The following THADA variants were observed in gnomAD, a reference collection of about 807,000 sequenced individuals.
The protein encoded by THADA is tRNA (32-2'-O)-methyltransferase regulator THADA.
THADA carries 213 observed loss-of-function variants against 219.8 expected under a neutral mutation model. The observed-to-expected ratio is 0.97, with a 90% CI of 0.87 to 1.09. The LOEUF is 1.09. THADA is among the 50% of genes least tolerant of loss of function. The pLI, the probability that THADA is intolerant of heterozygous loss-of-function variation, is 0.00. For synonymous variants in THADA, 1,018 were observed against 828.9 expected (o/e 1.23, Z -3.92); for missense variants, 2,956 against 2,311.3 (o/e 1.28, Z -5.72).
chr2:43,278,760 C>T (rs1673009767), intron 36 of THADA, among the ~76,000 whole-genome samples: 1 of 152,204 alleles, frequency 6.6e-6, no homozygotes, highest in African/African-American at 2.4e-5. Context: ...TCTGGGGAGG[C>T]TTCCAGGGAA....
In THADA at chr2:43,577,092, C is replaced by A; in HGVS notation, c.967G>T (p.Gly323Ter). 6.2e-7 allele frequency: 1 copy of A among 1,613,350 alleles called. No homozygotes were observed. Among genetic ancestry groups the A allele is most frequent in the Non-Finnish European group, 8.5e-7 (1 of 1,179,690 alleles). Residue 323 changes from glycine (G) to a stop codon, truncating the protein, a stop_gained, in exon 10 of 38, where the codon GGA becomes TGA. Coordinates refer to ENST00000405975, the MANE Select transcript of THADA (RefSeq NM_022065.5). LOFTEE classifies it high-confidence loss of function. ...GCCTCCCCACTCCGACCCATGCTTCCGTTCTGCCAGTCCAACATGGCAAGT... is the reference window on the plus strand; with the variant it reads ...GCCTCCCCACTCCGACCCATGCTTCAGTTCTGCCAGTCCAACATGGCAAGT... ...GTLAMLDWQN[G>*]SMGRSGEALL... is the part of the protein sequence containing the mutation.
intron 36 of THADA, among the ~76,000 whole-genome samples, chr2:43,236,410 T>C (rs540394671): frequency 1.3e-5 from 2 of 152,280 alleles, no homozygotes; most frequent in East Asian, 3.9e-4. Flanking sequence ...CAGAACTGCC[T>C]AGATCTCTAC....
intron 21 of THADA, among the ~76,000 whole-genome samples, chr2:43,529,705 C>A (rs974882186): frequency 6.6e-6 from 1 of 152,192 alleles, no homozygotes; most frequent in Non-Finnish European, 1.5e-5. Flanking sequence ...GTCTCCCCAA[C>A]AGATCACAGG....
Position 43,293,205 on chromosome 2 carries a change from T to G in THADA, c.4447A>C (p.Ser1483Arg). The G allele has an allele frequency of 6.2e-7, 1 of 1,601,292 alleles. No individual in the cohort carries two copies. The highest frequency in any genetic ancestry group is 8.5e-7 in the Non-Finnish European group (1 of 1,171,870). The change falls in exon 32 of 38, where the codon AGT becomes CGT. Residue 1483 changes from serine (S) to arginine (R), a missense_variant. By Grantham distance (110) the Ser-to-Arg change is moderately radical (BLOSUM62 -1). Transcript: ENST00000405975. ...CTGACTTCCTCCCAGAAGCCAAGAC[T>G]CTCCAGAACTAAGAAGCAAAAAAAG... ...SAKDNQPVLE[S>R]LGFWEEVRGI...
chr2:43,592,133 T>C, intron 2 of THADA, 87 bp from the exon 3 acceptor site: 1 of 1,158,808 alleles, frequency 8.6e-7, no homozygotes, highest in Non-Finnish European at 1.2e-6. Context: ...AATTTTTTAA[T>C]TATAAACCAT....
chr2:43,379,420 C>A (rs1402933873), intron 29 of THADA, among the ~76,000 whole-genome samples: 2 of 152,088 alleles, frequency 1.3e-5, no homozygotes, highest in Non-Finnish European at 2.9e-5. Context: ...TCAATGACAT[C>A]AGGAATCATA....
chr2:43,540,721 G>C (rs1695184728), intron 21 of THADA, among the ~76,000 whole-genome samples: 1 of 152,102 alleles, frequency 6.6e-6, no homozygotes. Context: ...ACAAAAGTCA[G>C]CCAAAAAAAC....
At chr2:43,303,189 A>T (rs1209876006) in intron 31 of THADA, among the ~76,000 whole-genome samples, 1 of 152,218 alleles carries the variant, frequency 6.6e-6, no homozygotes, top group Non-Finnish European at 1.5e-5. Flanking sequence ...AGTGTTTTGC[A>T]TAAAGGAGTA....
chr2:43,568,328 T>C (rs1433901429), intron 14 of THADA, among the ~76,000 whole-genome samples: 1 of 152,192 alleles, frequency 6.6e-6, no homozygotes, highest in Admixed American at 6.5e-5. Flanking sequence ...ACTAATAGCC[T>C]CCTCTTCTCC....
chr2:43,326,256 A>G (rs1447690427), intron 30 of THADA, among the ~76,000 whole-genome samples: 2 of 151,890 alleles, frequency 1.3e-5, no homozygotes, highest in Non-Finnish European at 2.9e-5. Context: ...GTGCCCCAAA[A>G]GGAGGGATTA....
At chr2:43,454,769 T>C (rs1331069561) in intron 26 of THADA, among the ~76,000 whole-genome samples, 1 of 152,180 alleles carries the variant, frequency 6.6e-6, no homozygotes, top group Non-Finnish European at 1.5e-5. Context: ...AAGAAAACTT[T>C]TAAAATAAAA....
intron 26 of THADA, among the ~76,000 whole-genome samples, chr2:43,478,380 A>C (rs1685789970): frequency 6.6e-6 from 1 of 152,182 alleles, no homozygotes; most frequent in African/African-American, 2.4e-5. Flanking sequence ...TCTCATTTGG[A>C]AAATAGCTCA....
chr2:43,562,847 T>A (rs1698232896), intron 15 of THADA: 1 of 152,228 alleles, frequency 6.6e-6, no homozygotes, highest in African/African-American at 2.4e-5. Flanking sequence ...GTTATCTAAC[T>A]TGTTGGTGTT....
chr2:43,546,863 CCATTTA>C (rs1289133716), intron 20 of THADA, among the ~76,000 whole-genome samples: 2 of 152,142 alleles, frequency 1.3e-5, no homozygotes, highest in African/African-American at 4.8e-5. Context: ...AGCATTTAGT[CCATTTA>C]CATTTAAAGT....
At position 43,498,880 on chromosome 2, in the gene THADA, C is replaced by T. The variant is rs752399254; in HGVS notation, c.3697G>A (p.Asp1233Asn). Residue 1233 changes from aspartate to asparagine, a missense_variant, in exon 25 of 38, where the codon GAT becomes AAT. Physicochemically the swap from Asp to Asn is conservative, Grantham distance 23. Transcript: ENST00000405975. ...LGENIIPYVADGAKAAILGFT... is the reference protein window; with the variant it reads ...LGENIIPYVANGAKAAILGFT... ...CCCAGAATTGCAGCCTTAGCTCCAT[C>T]AGCAACATAAGGAATAATATTTTCT... 16 of 1,611,806 alleles carry T rather than the reference C, an allele frequency of 9.9e-6. No homozygotes were observed. Among genetic ancestry groups the T allele is most frequent in the African/African-American group, 6.7e-5 (5 of 74,896 alleles).
Position 43,318,200 on chromosome 2 carries a change from T to C in THADA, c.4438+2246A>G, listed in dbSNP as rs142195717. Among the ~76,000 whole-genome samples the C allele has an allele frequency of 3.5e-3, 525 of 151,952 alleles. 3 individuals carry two copies. The highest frequency in any genetic ancestry group is 0.012 in the African/African-American group (514 of 41,456). The stretch of plus-strand genomic sequence containing the variant: ...GCCTACAGATGTGTGCTACCACATG[T>C]GGCTAATTAAATTTTTTTTTTTTTA... On this transcript the variant is annotated intron_variant, in intron 31 of 37. Coordinates refer to ENST00000405975, the MANE Select transcript of THADA (RefSeq NM_022065.5).
chr2:43,560,443 T>C (rs1270320190), intron 15 of THADA, 58 bp from the exon 16 acceptor site: 1 of 1,296,544 alleles, frequency 7.7e-7, no homozygotes, highest in Non-Finnish European at 1.0e-6. Flanking sequence ...ATCAGTCTTC[T>C]GAAGTTATTT....
rs1692853994 is a variant in THADA, at chr2:43,524,163, A to G, written c.3374+3716T>C. On this transcript the variant is annotated intron_variant, in intron 22 of 37. Coordinates refer to ENST00000405975, the MANE Select transcript of THADA (RefSeq NM_022065.5). ...ACAGGAATATTTCACTGACTTCTAA[A>G]TAGAAAGCACGACATAAAAAAATCA... 4.6e-5 allele frequency among the ~76,000 whole-genome samples: 7 copies of G among 152,358 alleles called. 1 individual carries two copies. The South Asian group carries it at 1.4e-3, about 32-fold the overall frequency.
chr2:43,508,830 A>G, intron 22 of THADA, 50 bp from the exon 23 acceptor site: 1 of 1,577,282 alleles, frequency 6.3e-7, no homozygotes, highest in Non-Finnish European at 8.7e-7. Context: ...CAAAGTTAAA[A>G]GTACAAACTA....
Sources: allele counts gnomAD v4.1 joint callset (sites outside exome capture counted in the v4.1 genomes callset), GRCh38; gene constraint gnomAD v4.1.1; transcripts MANE v1.5; gene names NCBI Gene and HGNC (gene_info 2026-07-23, HGNC 2026-07-21).